Variants in PHKB observed in about 807,000 individuals in gnomAD.
PHKB encodes phosphorylase b kinase regulatory subunit beta.
PHKB carries 122 observed loss-of-function variants against 152.1 expected under a neutral mutation model. The observed-to-expected ratio is 0.80, with a 90% CI of 0.69 to 0.93. PHKB has a LOEUF of 0.93. Ranked by LOEUF, PHKB falls within the 40% of genes least tolerant of loss-of-function variation. PHKB has a pLI of 0.00. For missense variants in PHKB, 1,304 were observed against 1,328.4 expected, an observed-to-expected ratio of 0.98 and a Z score of 0.29; for synonymous variants, 436 against 464.9, an observed-to-expected ratio of 0.94 and a Z score of 0.80.
chr16:47,662,292 G>A (rs1973458560), intron 23 of PHKB, among the ~76,000 whole-genome samples: 1 of 152,156 alleles, frequency 6.6e-6, no homozygotes, highest in African/African-American at 2.4e-5. Flanking sequence ...TGTCCACTCT[G>A]CATTAAGGAT....
chr16:47,674,154 AT>A (rs554386378), intron 26 of PHKB, among the ~76,000 whole-genome samples: 1,815 of 142,644 alleles, frequency 0.013, 25 homozygotes, highest in African/African-American at 0.036. Flanking sequence ...CAGATGCCAG[AT>A]TTTTTTTTTT....
At chr16:47,634,980 G>A (rs1972892649) in intron 14 of PHKB, among the ~76,000 whole-genome samples, 1 of 152,186 alleles carries the variant, frequency 6.6e-6, no homozygotes, top group African/African-American at 2.4e-5. Context: ...ACTGTTTTCA[G>A]GATGGACTGC....
At chr16:47,539,052 C>T (rs1400530314) in intron 6 of PHKB, among the ~76,000 whole-genome samples, 2 of 152,184 alleles carry the variant, frequency 1.3e-5, no homozygotes, top group Non-Finnish European at 2.9e-5. Context: ...TAATCAGAAC[C>T]TGTAGCCCAC....
chr16:47,471,718 C>T (rs764288515), intron 1 of PHKB, among the ~76,000 whole-genome samples: 29 of 152,182 alleles, frequency 1.9e-4, no homozygotes, highest in Non-Finnish European at 3.5e-4. Context: ...TCCTGTTAAA[C>T]GGAGAATAAA....
At chr16:47,536,661 A>G (rs1462066841) in intron 6 of PHKB, among the ~76,000 whole-genome samples, 1 of 152,240 alleles carries the variant, frequency 6.6e-6, no homozygotes, top group African/African-American at 2.4e-5. Flanking sequence ...ATATTCACAC[A>G]AAGTGAGGAA....
intron 5 of PHKB, among the ~76,000 whole-genome samples, chr16:47,514,626 C>T (rs1415452561): frequency 6.6e-6 from 1 of 152,184 alleles, no homozygotes. Context: ...TGCCAGCTTC[C>T]TCCAGAAACA....
chr16:47,554,711 G>A (rs1177971806), intron 7 of PHKB, among the ~76,000 whole-genome samples: 2 of 152,172 alleles, frequency 1.3e-5, no homozygotes, highest in Non-Finnish European at 2.9e-5. Context: ...GTAGTATCTG[G>A]GCCAGATTGT....
chr16:47,547,042 C>T (rs1971182625), intron 6 of PHKB, among the ~76,000 whole-genome samples: 2 of 152,136 alleles, frequency 1.3e-5, no homozygotes, highest in Non-Finnish European at 2.9e-5. Flanking sequence ...AGGGAAATTC[C>T]CTGACCCCTT....
At chr16:47,676,559 C>G (rs1193867377) in intron 26 of PHKB, 1 of 152,156 alleles carries the variant, frequency 6.6e-6, no homozygotes. Flanking sequence ...ACTACTCTCT[C>G]TTAGTGTTTT....
chr16:47,680,171 C>G (rs546727905), intron 26 of PHKB, among the ~76,000 whole-genome samples: 1 of 152,132 alleles, frequency 6.6e-6, no homozygotes, highest in Non-Finnish European at 1.5e-5. Flanking sequence ...TTCAGTTTGC[C>G]AGTATTTTAT....
intron 14 of PHKB, among the ~76,000 whole-genome samples, chr16:47,623,275 C>A (rs1390151245): frequency 6.6e-6 from 1 of 151,956 alleles, no homozygotes; most frequent in Non-Finnish European, 1.5e-5. Context: ...AGTAATATTT[C>A]TTTCTCATTA....
At chr16:47,463,100 A>C (rs1029113616) in intron 1 of PHKB, 2 of 152,614 alleles carry the variant, frequency 1.3e-5, no homozygotes, top group African/African-American at 4.8e-5. Context: ...TCTTACAGGG[A>C]CCTGAGTACT....
chr16:47,493,173 C>G (rs562066889), intron 1 of PHKB, among the ~76,000 whole-genome samples: 230 of 152,294 alleles, frequency 1.5e-3, no homozygotes, highest in African/African-American at 5.1e-3. Context: ...CTCTGGGGAC[C>G]TCTTTATGCT....
At chr16:47,593,610 T>C in intron 11 of PHKB, 53 bp downstream of exon 11, 1 of 1,086,518 alleles carries the variant, frequency 9.2e-7, no homozygotes, top group Non-Finnish European at 1.4e-6. Flanking sequence ...AAATTTAAGC[T>C]GTAGGATTTA....
chr16:47,569,695 C>T (rs780904534), intron 7 of PHKB, among the ~76,000 whole-genome samples: 4 of 152,202 alleles, frequency 2.6e-5, no homozygotes, highest in Non-Finnish European at 5.9e-5. Flanking sequence ...TCTTGGCTCA[C>T]TACAAACTCT....
At chr16:47,683,314 G>T (rs1322401162) in intron 26 of PHKB, among the ~76,000 whole-genome samples, 1 of 152,236 alleles carries the variant, frequency 6.6e-6, no homozygotes. Flanking sequence ...ATTTAAGTCT[G>T]CAGAGGTTAC....
intron 4 of PHKB, among the ~76,000 whole-genome samples, chr16:47,504,384 A>G (rs991590587): frequency 4.6e-5 from 7 of 152,232 alleles, no homozygotes; most frequent in African/African-American, 1.4e-4. Flanking sequence ...CCAGACATCC[A>G]GAAGGAAACC....
In PHKB at chr16:47,593,563, T is replaced by TAAGCTTTTTCCTGAAATTTAAGA; in HGVS notation, c.1126+28_1126+29insAAAGCTTTTTCCTGAAATTTAAG. On this transcript the variant is annotated splice_region_variant and intron_variant, in intron 11 of 30. Coordinates refer to ENST00000323584, the MANE Select transcript of PHKB (RefSeq NM_000293.3). ...CCTTTATATGATGATTGATGGTAAGTAAGCTTTTTCCTGAAATTTAAGCAA... is the reference window on the plus strand; with the variant it reads ...CCTTTATATGATGATTGATGGTAAGTAAGCTTTTTCCTGAAATTTAAGAAAGCTTTTTCCTGAAATTTAAGCAA... The TAAGCTTTTTCCTGAAATTTAAGA allele has an allele frequency of 6.8e-7, 1 of 1,469,328 alleles. No homozygotes were observed. Among genetic ancestry groups the TAAGCTTTTTCCTGAAATTTAAGA allele is most frequent in the South Asian group, 1.1e-5 (1 of 87,984 alleles). 91.0% of individuals were successfully genotyped at this position (1,469,328 alleles called of 1,614,324 possible).
intron 7 of PHKB, among the ~76,000 whole-genome samples, chr16:47,555,650 G>A (rs187806152): frequency 2.0e-5 from 3 of 152,264 alleles, no homozygotes; most frequent in African/African-American, 7.2e-5. Context: ...AGAGTGTCTT[G>A]TACCATTAAA....
Sources: gnomAD v4.1 joint callset for allele counts (sites outside exome capture counted in the v4.1 genomes callset) on GRCh38, gnomAD v4.1.1 for gene constraint, MANE v1.5 for transcripts, NCBI Gene and HGNC (gene_info 2026-07-23, HGNC 2026-07-21) for gene names.